ABLIM2: variants seen among roughly 807,000 people sequenced by gnomAD.
The protein encoded by ABLIM2 is actin-binding LIM protein 2.
Under a neutral mutation model 97.7 loss-of-function variants are expected in ABLIM2, and 53 were observed. That is an observed-to-expected ratio of 0.54 (90% CI 0.44 to 0.68). ABLIM2 has a LOEUF of 0.68. Among genes scored for constraint, ABLIM2 ranks in the 30% least tolerant of loss-of-function variants. The pLI is 0.00. For synonymous variants in ABLIM2, 361 were observed against 345.8 expected (o/e 1.04, Z -0.49); for missense variants, 835 against 867.2 (o/e 0.96, Z 0.47).
Position 8,020,182 on chromosome 4 carries a change from C to A in ABLIM2, c.1369+20G>T. 6.2e-7 allele frequency: 1 copy of A among 1,606,116 alleles called. No homozygotes were observed. The highest frequency in any genetic ancestry group is 8.5e-7 in the Non-Finnish European group (1 of 1,175,294). On this transcript the variant is annotated intron_variant, in intron 13 of 20. Coordinates refer to ENST00000447017, the MANE Select transcript of ABLIM2 (RefSeq NM_001130083.2). ...ACAGTTTCAGTGTAAGGAGCCCAGC[C>A]AGCGTGTCCCGGAGCCTACCTGGGA...
chr4:8,142,976 T>C (rs1397380613), intron 1 of ABLIM2, among the ~76,000 whole-genome samples: 1 of 152,172 alleles, frequency 6.6e-6, no homozygotes, highest in Non-Finnish European at 1.5e-5. Context: ...ACCTGTTCCC[T>C]GAACACTCTC....
chr4:8,005,354 C>T lies in ABLIM2; in HGVS notation c.1618+2705G>A. 1.9e-6 allele frequency: 1 copy of T among 533,686 alleles called. No homozygotes were observed. The highest frequency in any genetic ancestry group is 1.4e-5 in the South Asian group (1 of 71,534). The allele number at this position is 533,686 out of a possible 1,614,324, so 33.1% of individuals were successfully genotyped here. ...TTGAATGTAACGCATTTCAATTCAA[C>T]AGACATTTATTGAGTGCCCACTGTG... On this transcript the variant is annotated intron_variant, in intron 16 of 20. Coordinates refer to ENST00000447017, the MANE Select transcript of ABLIM2 (RefSeq NM_001130083.2). The surrounding 1 kb of genome is among the most constrained non-coding windows in gnomAD (Gnocchi z 4.9).
At chr4:8,106,090 C>T (rs551513877) in intron 2 of ABLIM2, among the ~76,000 whole-genome samples, 4 of 152,290 alleles carry the variant, frequency 2.6e-5, no homozygotes, top group African/African-American at 7.2e-5. Context: ...TGGGGGTCCC[C>T]GCGTGCCTGG....
Position 8,004,248 on chromosome 4 carries a change from C to A in ABLIM2, c.1618+3811G>T, listed in dbSNP as rs531320742. ...AGACATGGGACTCCGCCCGGTCCCA[C>A]AGCGAGAGGACACACAGAAAGTGAC... On this transcript the variant is annotated intron_variant, in intron 16 of 20. Coordinates refer to ENST00000447017, the MANE Select transcript of ABLIM2 (RefSeq NM_001130083.2). The surrounding 1 kb of genome is among the most constrained non-coding windows in gnomAD (Gnocchi z 5.9). Among the ~76,000 whole-genome samples the A allele has an allele frequency of 6.6e-6, 1 of 152,142 alleles. No homozygotes were observed. Among genetic ancestry groups the A allele is most frequent in the African/African-American group, 2.4e-5 (1 of 41,516 alleles).
At chr4:7,968,052 G>A (rs565716873) in intron 20 of ABLIM2, among the ~76,000 whole-genome samples, 17 of 152,344 alleles carry the variant, frequency 1.1e-4, no homozygotes, top group African/African-American at 3.4e-4. Flanking sequence ...GCTGGCTCAG[G>A]CGTCCCCTCC....
At chr4:8,037,973 C>T (rs949343766) in intron 9 of ABLIM2, among the ~76,000 whole-genome samples, 2 of 152,222 alleles carry the variant, frequency 1.3e-5, no homozygotes, top group Non-Finnish European at 2.9e-5. Flanking sequence ...CGTGCTCTTG[C>T]CCCTGCCTGT....
intron 1 of ABLIM2, among the ~76,000 whole-genome samples, chr4:8,110,791 T>A (rs1839955545): frequency 6.6e-6 from 1 of 152,146 alleles, no homozygotes; most frequent in East Asian, 1.9e-4. Context: ...GGCGCTGCCC[T>A]CTCGCGATGG....
At position 8,128,074 on chromosome 4, in the gene ABLIM2, G is replaced by T. The variant is rs1301694548; in HGVS notation, c.11-21437C>A. On this transcript the variant is annotated intron_variant, in intron 1 of 20. Transcript: ENST00000447017. The surrounding 1 kb of genome is among the most constrained non-coding windows in gnomAD (Gnocchi z 4.9). ...GCCAGCAGGACCCTGCTCTTCACAG[G>T]GGTATAGGGAGCTCAGGCTGCCTCT... 6.6e-6 allele frequency among the ~76,000 whole-genome samples: 1 copy of T among 152,194 alleles called. No homozygotes were observed. The highest frequency in any genetic ancestry group is 2.4e-5 in the African/African-American group (1 of 41,446).
In ABLIM2 at chr4:8,090,239, G is replaced by T. The variant is rs546360052; in HGVS notation, c.339-1955C>A. On this transcript the variant is annotated intron_variant, in intron 3 of 20. Transcript: ENST00000447017. ...GTCTTGCACCCTCCCTGTCATGGGG[G>T]ATCTTGAGACAGAGTGGGAGCCCCT... 5.3e-5 allele frequency among the ~76,000 whole-genome samples: 8 copies of T among 152,304 alleles called. No homozygotes were observed. In the East Asian group the frequency reaches 1.5e-3, roughly 29 times the overall value.
chr4:8,014,345 C>A (rs1767233549), intron 14 of ABLIM2, among the ~76,000 whole-genome samples: 1 of 152,268 alleles, frequency 6.6e-6, no homozygotes, highest in African/African-American at 2.4e-5. Context: ...CCTCCTACGT[C>A]TTCCAGACTT....
At chr4:8,080,907 G>T in intron 4 of ABLIM2, 105 bp from the exon 5 acceptor site, 1 of 1,423,798 alleles carries the variant, frequency 7.0e-7, no homozygotes, top group Non-Finnish European at 9.5e-7. Context: ...CAGCCGGGAG[G>T]GGCGGGACAG....
intron 8 of ABLIM2, among the ~76,000 whole-genome samples, chr4:8,051,145 G>T (rs1246869356): frequency 6.6e-6 from 1 of 152,242 alleles, no homozygotes; most frequent in Admixed American, 6.5e-5. Flanking sequence ...GTCAGAACCC[G>T]GGAGCTGTCG....
At chr4:8,050,874 G>T (rs1200967669) in intron 8 of ABLIM2, among the ~76,000 whole-genome samples, 2 of 152,236 alleles carry the variant, frequency 1.3e-5, no homozygotes, top group African/African-American at 4.8e-5. Context: ...TTGGCCAGAG[G>T]CCAACTAGCC....
intron 5 of ABLIM2, 98 bp from the exon 6 acceptor site, chr4:8,077,819 G>A: frequency 2.9e-6 from 3 of 1,047,008 alleles, no homozygotes; most frequent in Non-Finnish European, 2.8e-6. Flanking sequence ...CTCAAAGTGG[G>A]GGAATGCCCA....
At position 8,054,095 on chromosome 4, in the gene ABLIM2, G is replaced by T; in HGVS notation, c.822+93C>A. ...TGCAGCCCGTGGGACTGGACAATGA[G>T]CCTGTAGAATCTGGTCAGTGTCCTC... On this transcript the variant is annotated intron_variant, in intron 8 of 20. Coordinates refer to ENST00000447017, the MANE Select transcript of ABLIM2 (RefSeq NM_001130083.2). This position sits in a 1 kb window ranked among gnomAD's most constrained non-coding sequence, Gnocchi z 4.9. 1 of 1,432,312 alleles carries T rather than the reference G, an allele frequency of 7.0e-7. No homozygotes were observed. Among genetic ancestry groups the T allele is most frequent in the Non-Finnish European group, 9.8e-7 (1 of 1,017,852 alleles). 88.7% of individuals were successfully genotyped at this position (1,432,312 alleles called of 1,614,324 possible).
At chr4:7,981,284 A>T (rs760966086) in intron 20 of ABLIM2, among the ~76,000 whole-genome samples, 25 of 152,072 alleles carry the variant, frequency 1.6e-4, no homozygotes, top group Non-Finnish European at 4.4e-5. Flanking sequence ...CTTTCTATTG[A>T]TTACAGGTCT....
rs1404398222 is a variant in ABLIM2 at position 8,149,331 on chromosome 4, A to G, written c.10+9349T>C. 6.6e-6 allele frequency among the ~76,000 whole-genome samples: 1 copy of G among 152,108 alleles called. No homozygotes were observed. The highest frequency in any genetic ancestry group is 1.9e-4 in the East Asian group (1 of 5,156). ...TTGCCGCATGAGGTCACATAGTCAC[A>G]GGGCCTGGGATTAGGACATGGGCAC... On this transcript the variant is annotated intron_variant, in intron 1 of 20. Coordinates refer to ENST00000447017, the MANE Select transcript of ABLIM2 (RefSeq NM_001130083.2). This position sits in a 1 kb window ranked among gnomAD's most constrained non-coding sequence, Gnocchi z 6.4.
intron 14 of ABLIM2, among the ~76,000 whole-genome samples, chr4:8,017,277 C>T (rs1770039489): frequency 6.6e-6 from 1 of 151,428 alleles, no homozygotes; most frequent in Admixed American, 6.6e-5. Flanking sequence ...TCCTAATTCC[C>T]TATTTATTAT....
At chr4:8,114,704 G>A (rs1235067899) in intron 1 of ABLIM2, among the ~76,000 whole-genome samples, 8 of 152,146 alleles carry the variant, frequency 5.3e-5, no homozygotes, top group South Asian at 2.1e-4. Flanking sequence ...CAGACAGGGC[G>A]GCCCTCTGTT....
Sources: allele counts gnomAD v4.1 joint callset (sites outside exome capture counted in the v4.1 genomes callset), GRCh38; gene constraint gnomAD v4.1.1; non-coding constraint Gnocchi (gnomAD v3.1); transcripts MANE v1.5; gene names NCBI Gene and HGNC (gene_info 2026-07-23, HGNC 2026-07-21).